EYS: variants seen among roughly 807,000 people sequenced by gnomAD.
The protein encoded by EYS is EGF-like photoreceptor maintenance factor, also known as protein eyes shut homolog.
A neutral mutation model predicts 282.1 loss-of-function variants in EYS; 250 were observed. The ratio of observed to expected loss-of-function variants is 0.89; its 90% CI spans 0.80 to 0.98. The LOEUF (loss-of-function observed/expected upper bound fraction) is 0.98. Among genes scored for constraint, EYS ranks in the 50% least tolerant of loss-of-function variants. The pLI is 0.00. For synonymous variants in EYS, 1,355 were observed against 1,282.9 expected, an observed-to-expected ratio of 1.06 and a Z score of -1.20; for missense variants, 4,016 against 3,709.0, an observed-to-expected ratio of 1.08 and a Z score of -2.15.
At chr6:65,103,206 C>T (rs1774942052) in intron 12 of EYS, among the ~76,000 whole-genome samples, 1 of 151,402 alleles carries the variant, frequency 6.6e-6, no homozygotes, top group Non-Finnish European at 1.5e-5. Flanking sequence ...GGTCAAGAAT[C>T]ATTAACCTAT....
chr6:64,289,864 A>G (rs1460605770), intron 30 of EYS, among the ~76,000 whole-genome samples: 1 of 152,104 alleles, frequency 6.6e-6, no homozygotes, highest in Non-Finnish European at 1.5e-5. Context: ...TTTGATTTAT[A>G]TAGTGCCTTA....
intron 11 of EYS, among the ~76,000 whole-genome samples, chr6:65,313,973 C>T (rs1316732687): frequency 6.6e-6 from 1 of 152,158 alleles, no homozygotes; most frequent in East Asian, 1.9e-4. Flanking sequence ...TCCTTGTCTC[C>T]TAAAATTTTA....
chr6:63,989,288 T>C (rs988164282), intron 34 of EYS, among the ~76,000 whole-genome samples: 1 of 151,666 alleles, frequency 6.6e-6, no homozygotes, highest in Non-Finnish European at 1.5e-5. Context: ...ATCAGAAACA[T>C]TAAGTTTTGG....
At chr6:65,613,744 T>C (rs984559068) in intron 2 of EYS, among the ~76,000 whole-genome samples, 1 of 151,930 alleles carries the variant, frequency 6.6e-6, no homozygotes, top group South Asian at 2.1e-4. Context: ...TATTGACTTT[T>C]TTCAATTATG....
At chr6:63,757,641 T>G (rs192472393) in intron 41 of EYS, among the ~76,000 whole-genome samples, 1 of 152,124 alleles carries the variant, frequency 6.6e-6, no homozygotes, top group Non-Finnish European at 1.5e-5. Context: ...CAATATGTGA[T>G]GTCACCCCCA....
chr6:65,700,162 T>C lies in EYS; in HGVS notation c.-448+6973A>G, dbSNP rs182119246. 1.6e-3 allele frequency among the ~76,000 whole-genome samples: 227 copies of C among 138,828 alleles called. 1 individual carries two copies. Among genetic ancestry groups the C allele is most frequent in the Non-Finnish European group, 3.0e-3 (190 of 64,234 alleles). 91.1% of individuals were successfully genotyped at this position (138,828 alleles called of 152,430 possible). ...AAACTATATTAAAACATCACAAGGA[T>C]TTATGAAAGGGAGTTAAATAATCAC... On this transcript the variant is annotated intron_variant, in intron 1 of 42. Transcript: ENST00000503581.
chr6:65,335,059 A>G lies in EYS; in HGVS notation c.1687T>C (p.Tyr563His), dbSNP rs1470051196. The G allele has an allele frequency of 6.2e-7, 1 of 1,612,078 alleles. No individual in the cohort carries two copies. The highest frequency in any genetic ancestry group is 1.1e-5 in the South Asian group (1 of 91,050). The change falls in exon 11 of 43, where the codon TAT (tyrosine) becomes CAT (histidine). Residue 563 changes from tyrosine (Y) to histidine (H), a missense_variant. Physicochemically the swap from Tyr to His is moderately conservative, Grantham distance 83. Coordinates refer to ENST00000503581, the MANE Select transcript of EYS (RefSeq NM_001142800.2). ...LCFLRWAGNM[Y>H]LENTTDDQEN... Reference sequence around the variant, plus strand: ...TGATCATCAGTTGTATTTTCCAGATACATGTTGCCAGCCCATCTGAGAAAA... The same window carrying G: ...TGATCATCAGTTGTATTTTCCAGATGCATGTTGCCAGCCCATCTGAGAAAA...
intron 14 of EYS, among the ~76,000 whole-genome samples, chr6:64,955,482 C>T (rs1769667714): frequency 6.6e-6 from 1 of 152,142 alleles, no homozygotes; most frequent in African/African-American, 2.4e-5. Context: ...TGGAAACACA[C>T]TGGCACCACC....
chr6:64,459,560 G>A (rs1775675948), intron 26 of EYS, among the ~76,000 whole-genome samples: 1 of 152,204 alleles, frequency 6.6e-6, no homozygotes, highest in Admixed American at 6.5e-5. Context: ...ACAAAAGTAG[G>A]GAAGCCGACA....
chr6:64,855,656 G>A (rs1156574623), intron 19 of EYS, among the ~76,000 whole-genome samples: 2 of 151,884 alleles, frequency 1.3e-5, no homozygotes, highest in African/African-American at 2.4e-5. Flanking sequence ...ATTATATTAG[G>A]GTTCTCTCTA....
intron 9 of EYS, among the ~76,000 whole-genome samples, chr6:65,350,706 C>T (rs1770566384): frequency 1.3e-5 from 2 of 151,606 alleles, no homozygotes; most frequent in African/African-American, 4.8e-5. Flanking sequence ...CTTAATAATA[C>T]ACATAATGAA....
chr6:65,633,065 C>T (rs994120784), intron 2 of EYS, among the ~76,000 whole-genome samples: 1 of 152,130 alleles, frequency 6.6e-6, no homozygotes, highest in East Asian at 1.9e-4. Flanking sequence ...AAGGTTGGCT[C>T]ATATAAAGAT....
chr6:63,752,609 C>T (rs899675170), intron 41 of EYS, among the ~76,000 whole-genome samples: 2 of 151,624 alleles, frequency 1.3e-5, no homozygotes, highest in East Asian at 1.9e-4. Context: ...TCTCCTGCCT[C>T]AGCCTCCCCA....
At chr6:64,278,602 T>G (rs543936283) in intron 30 of EYS, among the ~76,000 whole-genome samples, 2 of 152,326 alleles carry the variant, frequency 1.3e-5, no homozygotes, top group South Asian at 4.1e-4. Context: ...AAAGTTCAAA[T>G]TTTTCTTGAT....
In EYS at chr6:65,637,731, C is replaced by T. The variant is rs140861464; in HGVS notation, c.-333+2047G>A. On this transcript the variant is annotated intron_variant, in intron 2 of 42. Transcript: ENST00000503581. ...TGCAACTCTAACAAGTGTGCGGGCA[C>T]TCGGGACAGGGCTGACACACCAGCT... 3.3e-3 allele frequency among the ~76,000 whole-genome samples: 500 copies of T among 152,240 alleles called. 3 individuals carry two copies. Among genetic ancestry groups the T allele is most frequent in the African/African-American group, 0.012 (488 of 41,544 alleles).
intron 1 of EYS, among the ~76,000 whole-genome samples, chr6:65,683,604 A>G (rs1285964039): frequency 6.6e-6 from 1 of 152,046 alleles, no homozygotes; most frequent in Non-Finnish European, 1.5e-5. Context: ...CTCCATGGAA[A>G]TATCAGATGA....
chr6:65,645,822 C>T (rs978533745), intron 1 of EYS, among the ~76,000 whole-genome samples: 2 of 151,774 alleles, frequency 1.3e-5, no homozygotes, highest in African/African-American at 4.8e-5. Flanking sequence ...GAAGTATGCT[C>T]AATTAGAGAT....
chr6:63,976,253 C>T (rs966504583), intron 35 of EYS, among the ~76,000 whole-genome samples: 1 of 151,976 alleles, frequency 6.6e-6, no homozygotes, highest in African/African-American at 2.4e-5. Flanking sequence ...ATACCATGCA[C>T]TTAGTCTATA....
At chr6:64,344,738 A>T (rs942797944) in intron 29 of EYS, among the ~76,000 whole-genome samples, 2 of 152,134 alleles carry the variant, frequency 1.3e-5, no homozygotes, top group Non-Finnish European at 2.9e-5. Flanking sequence ...GCATTCAATT[A>T]GGAAAAGAGG....
Sources: gnomAD v4.1 joint callset for allele counts (sites outside exome capture counted in the v4.1 genomes callset) on GRCh38, gnomAD v4.1.1 for gene constraint, MANE v1.5 for transcripts, NCBI Gene and HGNC (gene_info 2026-07-23, HGNC 2026-07-21) for gene names.